The following CELF2 variants were observed in gnomAD, a reference collection of about 807,000 sequenced individuals.
CELF2 encodes the protein CUG triplet repeat RNA-binding protein 2.
Under a neutral mutation model 62.6 loss-of-function variants are expected in CELF2, and 8 were observed. The observed-to-expected ratio is 0.13, with a 90% CI of 0.07 to 0.23. The LOEUF (loss-of-function observed/expected upper bound fraction) is 0.23. CELF2 is among the 10% of genes least tolerant of loss of function. The probability of loss-of-function intolerance (pLI) is 1.00; values close to 1 mark genes in which losing one functional copy is unlikely to be tolerated. For synonymous variants in CELF2, 258 were observed against 250.0 expected (o/e 1.03, Z -0.30); for missense variants, 333 against 671.0 (o/e 0.50, Z 5.56).
intron 2 of CELF2, among the ~76,000 whole-genome samples, chr10:11,204,098 A>G (rs908727395): frequency 3.3e-5 from 5 of 152,198 alleles, no homozygotes; most frequent in African/African-American, 1.2e-4. Flanking sequence ...TCCGCTTTCA[A>G]AAGGGTCCTC....
chr10:10,526,355 A>C, the CELF2 span, among the ~76,000 whole-genome samples: 5 of 152,242 alleles, frequency 3.3e-5, no homozygotes, highest in African/African-American at 1.2e-4. Flanking sequence ...AGATAAAGTC[A>C]CACAGAGTAA....
At chr10:10,658,286 G>A in the CELF2 span, among the ~76,000 whole-genome samples, 4 of 152,156 alleles carry the variant, frequency 2.6e-5, no homozygotes, top group South Asian at 6.2e-4. Flanking sequence ...CCTTGAGAGT[G>A]TTGAAATATT....
chr10:11,025,209 G>GTT (rs2058959877), intron 1 of CELF2, among the ~76,000 whole-genome samples: 1 of 61,920 alleles, frequency 1.6e-5, no homozygotes, highest in Non-Finnish European at 5.1e-5. Flanking sequence ...ATACATATAT[G>GTT]TGTGTGTGTG....
intron 1 of CELF2, among the ~76,000 whole-genome samples, chr10:10,832,273 A>AAATAAAT (rs1554847840): frequency 6.6e-6 from 1 of 150,940 alleles, no homozygotes; most frequent in African/African-American, 2.4e-5. Context: ...ATCTAAAAAA[A>AAATAAAT]AAAAATAAAA....
At chr10:11,056,988 G>A (rs546111408) in intron 1 of CELF2, among the ~76,000 whole-genome samples, 2 of 152,180 alleles carry the variant, frequency 1.3e-5, no homozygotes, top group African/African-American at 2.4e-5. Context: ...GAACCGCTGC[G>A]TGAAGTGTCC....
chr10:10,678,174 T>C, the CELF2 span, among the ~76,000 whole-genome samples: 1 of 152,106 alleles, frequency 6.6e-6, no homozygotes, highest in Non-Finnish European at 1.5e-5. Flanking sequence ...AGGAGATACT[T>C]ATGGATCCAC....
At chr10:11,205,493 G>T (rs368521856) in intron 2 of CELF2, among the ~76,000 whole-genome samples, 1 of 152,154 alleles carries the variant, frequency 6.6e-6, no homozygotes, top group Admixed American at 6.5e-5. Flanking sequence ...ATTTTCATAC[G>T]TTGTTTGGCT....
At chr10:11,116,054 G>A (rs2143619590) in intron 1 of CELF2, among the ~76,000 whole-genome samples, 1 of 152,278 alleles carries the variant, frequency 6.6e-6, no homozygotes, top group Admixed American at 6.5e-5. Flanking sequence ...ATAGCAAACA[G>A]TTTTAAAAAT....
intron 1 of CELF2, among the ~76,000 whole-genome samples, chr10:10,866,126 C>T (rs549625668): frequency 1.1e-4 from 17 of 152,226 alleles, no homozygotes; most frequent in South Asian, 2.1e-4. Flanking sequence ...CACCAAGAAG[C>T]GAGGTCAAAG....
At position 11,306,985 on chromosome 10, in the gene CELF2, C is replaced by T. The variant is rs1211451853; in HGVS notation, c.977-7154C>T. On this transcript the variant is annotated intron_variant, in intron 9 of 12. Transcript: ENST00000633077. The surrounding 1 kb of genome is among the most constrained non-coding windows in gnomAD (Gnocchi z 4.4). The stretch of plus-strand genomic sequence containing the variant: ...CCCCTGAGCTAGGCTGCCCCATGCT[C>T]ATAGGCTGTGCGTGTATCTGTGCCT... 3.3e-5 allele frequency among the ~76,000 whole-genome samples: 5 copies of T among 152,234 alleles called. No individual in the cohort carries two copies. The highest frequency in any genetic ancestry group is 4.8e-5 in the African/African-American group (2 of 41,468).
In CELF2 at chr10:11,328,604, T is replaced by G. The variant is rs1278411875; in HGVS notation, c.1439-322T>G. On this transcript the variant is annotated intron_variant, in intron 12 of 12. Transcript: ENST00000633077. The surrounding 1 kb of genome is among the most constrained non-coding windows in gnomAD (Gnocchi z 6.4). ...TCTTTTGGAGAGATACTAAAGGACT[T>G]GAAACACAATGATTTGAGCGAGTTC... is the stretch of plus-strand genomic sequence containing the variant. Among the ~76,000 whole-genome samples the G allele has an allele frequency of 6.6e-6, 1 of 152,224 alleles. No individual in the cohort carries two copies. Among genetic ancestry groups the G allele is most frequent in the East Asian group, 1.9e-4 (1 of 5,194 alleles).
At chr10:11,228,285 A>G (rs990935686) in intron 3 of CELF2, among the ~76,000 whole-genome samples, 8 of 152,242 alleles carry the variant, frequency 5.3e-5, no homozygotes, top group Non-Finnish European at 1.2e-4. Flanking sequence ...AGTGTTTACT[A>G]TGTCCTCAGA....
chr10:10,607,300 G>T, the CELF2 span, among the ~76,000 whole-genome samples: 2 of 151,846 alleles, frequency 1.3e-5, no homozygotes, highest in African/African-American at 4.8e-5. Flanking sequence ...TTTATGTAAA[G>T]AAAATGTTAA....
chr10:11,166,388 G>C (rs1219778922), intron 2 of CELF2, among the ~76,000 whole-genome samples: 1 of 152,156 alleles, frequency 6.6e-6, no homozygotes, highest in African/African-American at 2.4e-5. Flanking sequence ...GTGATGGGGG[G>C]CAGTGGGTGC....
rs138837589 is a variant in CELF2, at chr10:10,837,870, G to T, written c.53+39053G>T. 6.4e-4 allele frequency among the ~76,000 whole-genome samples: 98 copies of T among 152,236 alleles called. 1 individual carries two copies. In the South Asian group the frequency reaches 0.019, roughly 30 times the overall value. The stretch of plus-strand genomic sequence containing the variant: ...TTACAGAAAAATGGAAAATATAGCA[G>T]AAAGAAATTCTATCAACCCCACATC... On this transcript the variant is annotated intron_variant, in intron 1 of 13. Coordinates refer to the CELF2 transcript ENST00000636488.
chr10:11,086,314 C>T (rs61830442), intron 1 of CELF2, among the ~76,000 whole-genome samples: 3,470 of 152,118 alleles, frequency 0.023, 68 homozygotes, highest in South Asian at 0.045. Context: ...TTCCCTCCGC[C>T]TGGCCTGTGT....
At chr10:11,196,847 C>A (rs184550496) in intron 2 of CELF2, among the ~76,000 whole-genome samples, 1 of 150,884 alleles carries the variant, frequency 6.6e-6, no homozygotes, top group Non-Finnish European at 1.5e-5. Flanking sequence ...TAATCCCAGC[C>A]GCTCATGGGG....
At chr10:10,910,760 G>A (rs913059760) in intron 1 of CELF2, among the ~76,000 whole-genome samples, 16 of 151,304 alleles carry the variant, frequency 1.1e-4, no homozygotes, top group African/African-American at 3.4e-4. Context: ...TGTCTCGCAT[G>A]TGCATTGTCT....
rs1362335087 is a variant in CELF2 at position 11,306,000 on chromosome 10, C to T, written c.977-8139C>T. On this transcript the variant is annotated intron_variant, in intron 9 of 12. Coordinates refer to ENST00000633077, the MANE Select transcript of CELF2 (RefSeq NM_001326342.2). The surrounding 1 kb of genome is among the most constrained non-coding windows in gnomAD (Gnocchi z 4.8). Reference sequence around the variant, plus strand: ...CTGATAAAACCATGGCCATCCTTGCCTGCTCAACCATTCTCTTTCCTGGCA... The same window carrying T: ...CTGATAAAACCATGGCCATCCTTGCTTGCTCAACCATTCTCTTTCCTGGCA... 6.6e-6 allele frequency among the ~76,000 whole-genome samples: 1 copy of T among 152,154 alleles called. No homozygotes were observed. The highest frequency in any genetic ancestry group is 1.5e-5 in the Non-Finnish European group (1 of 68,040).
Sources: gnomAD v4.1 joint callset for allele counts (sites outside exome capture counted in the v4.1 genomes callset) on GRCh38, gnomAD v4.1.1 for gene constraint, Gnocchi (gnomAD v3.1) non-coding constraint, MANE v1.5 for transcripts, NCBI Gene and HGNC (gene_info 2026-07-23, HGNC 2026-07-21) for gene names.